HCN1: variants seen among roughly 807,000 people sequenced by gnomAD.
The protein encoded by HCN1 is potassium/sodium hyperpolarization-activated cyclic nucleotide-gated channel 1.
In HCN1, 13 loss-of-function variants were observed where a neutral mutation model predicts 78.9. That is an observed-to-expected ratio of 0.16 (90% CI 0.11 to 0.26). The LOEUF (loss-of-function observed/expected upper bound fraction) is 0.26. Ranked by LOEUF, HCN1 falls within the 10% of genes least tolerant of loss-of-function variation. The probability of loss-of-function intolerance (pLI) is 1.00; values close to 1 mark genes in which losing one functional copy is unlikely to be tolerated. For synonymous variants in HCN1, 552 were observed against 455.5 expected (o/e 1.21, Z -2.70); for missense variants, 810 against 1,154.3 (o/e 0.70, Z 4.32).
intron 4 of HCN1, among the ~76,000 whole-genome samples, chr5:45,377,905 A>C (rs1298871438): frequency 6.6e-6 from 1 of 152,010 alleles, no homozygotes; most frequent in East Asian, 1.9e-4. Flanking sequence ...TTTATATAGA[A>C]TAGAAGAGGT....
At chr5:45,437,985 A>G (rs1044428682) in intron 3 of HCN1, among the ~76,000 whole-genome samples, 4 of 152,170 alleles carry the variant, frequency 2.6e-5, no homozygotes, top group South Asian at 4.1e-4. Flanking sequence ...CAGCTCATAC[A>G]TAACAGCAGG....
intron 1 of HCN1, among the ~76,000 whole-genome samples, chr5:45,693,740 G>C (rs1739956018): frequency 6.6e-6 from 1 of 151,884 alleles, no homozygotes; most frequent in Non-Finnish European, 1.5e-5. Context: ...TAGCAAGTGG[G>C]AAAAAGTTTA....
intron 5 of HCN1, among the ~76,000 whole-genome samples, chr5:45,305,222 A>G (rs890598774): frequency 6.6e-6 from 1 of 152,182 alleles, no homozygotes; most frequent in East Asian, 1.9e-4. Context: ...AGACTGAGAA[A>G]GAAGGTTTCT....
chr5:45,400,474 C>T (rs563740429), intron 3 of HCN1, among the ~76,000 whole-genome samples: 2 of 146,230 alleles, frequency 1.4e-5, no homozygotes, highest in East Asian at 2.1e-4. Context: ...TCTCAACTCA[C>T]TGCAACCTCT....
chr5:45,622,572 A>G (rs1019765829), intron 2 of HCN1, among the ~76,000 whole-genome samples: 2 of 152,170 alleles, frequency 1.3e-5, no homozygotes, highest in African/African-American at 4.8e-5. Flanking sequence ...ATGACTCAGC[A>G]ATAAAAATAG....
intron 4 of HCN1, among the ~76,000 whole-genome samples, chr5:45,362,156 G>GTGTT (rs1037755475): frequency 1.1e-4 from 14 of 123,298 alleles, no homozygotes; most frequent in Non-Finnish European, 2.0e-4. Flanking sequence ...GTGTGTGTTT[G>GTGTT]TGTGTGTGTG....
chr5:45,614,227 T>G (rs1744899304), intron 2 of HCN1, among the ~76,000 whole-genome samples: 1 of 152,160 alleles, frequency 6.6e-6, no homozygotes, highest in South Asian at 2.1e-4. Context: ...AAGTCTATAT[T>G]TTCATTTGTA....
chr5:45,279,193 T>C (rs1745115909), intron 6 of HCN1, among the ~76,000 whole-genome samples: 1 of 152,156 alleles, frequency 6.6e-6, no homozygotes, highest in Admixed American at 6.6e-5. Flanking sequence ...GTCCAACAGG[T>C]TATCCAAACT....
intron 5 of HCN1, among the ~76,000 whole-genome samples, chr5:45,332,605 C>T (rs536720394): frequency 6.6e-6 from 1 of 151,318 alleles, no homozygotes. Context: ...TTTTTGTACC[C>T]AGTAAGCATC....
Position 45,696,024 on chromosome 5 carries a change from T to C in HCN1, c.70A>G (p.Lys24Glu), listed in dbSNP as rs1316303062. Reference protein sequence around the residue: ...RDDGNSVFPAKASATGAGPAA... With the variant: ...RDDGNSVFPAEASATGAGPAA... ...GGCCCCGCGCCCGTCGCGGACGCCT[T>C]GGCGGGGAAGACGCTGTTGCCATCG... Residue 24 changes from lysine (K) to glutamate (E), a missense_variant, in exon 1 of 8, where the codon AAG becomes GAG. Physicochemically the swap from Lys to Glu is moderately conservative, Grantham distance 56. This residue lies in a region of HCN1 where 170 missense variants were observed against 166.8 expected (regional missense o/e 1.02). Transcript: ENST00000303230. 2 of 1,317,708 alleles carry C rather than the reference T, an allele frequency of 1.5e-6. No individual in the cohort carries two copies. Among genetic ancestry groups the C allele is most frequent in the Admixed American group, 2.8e-5 (1 of 35,612 alleles). The allele number at this position is 1,317,708 out of a possible 1,614,324, so 81.6% of individuals were successfully genotyped here. A position where few individuals can be genotyped will look rare whatever the true frequency, so the allele number is the denominator to read the frequency against.
intron 2 of HCN1, among the ~76,000 whole-genome samples, chr5:45,632,674 C>T (rs1561226647): frequency 1.3e-5 from 2 of 152,006 alleles, no homozygotes; most frequent in Non-Finnish European, 2.9e-5. Context: ...AATAAAAACA[C>T]CATCAATAAA....
intron 3 of HCN1, among the ~76,000 whole-genome samples, chr5:45,425,098 G>A (rs754892919): frequency 2.6e-4 from 40 of 152,270 alleles, no homozygotes; most frequent in Non-Finnish European, 3.7e-4. Context: ...CTGACAGCAA[G>A]GGATAAGTGG....
At chr5:45,467,959 A>C (rs962361062) in intron 2 of HCN1, among the ~76,000 whole-genome samples, 1 of 152,040 alleles carries the variant, frequency 6.6e-6, no homozygotes, top group Non-Finnish European at 1.5e-5. Flanking sequence ...AGACACAGAG[A>C]GAGCTGGCCT....
rs185295756 is a variant in HCN1, at chr5:45,338,679, A to G, written c.1377+14421T>C. On this transcript the variant is annotated intron_variant, in intron 5 of 7. Transcript: ENST00000303230. ...TGATTCCTCCTCTCCCAAGTGAAAC[A>G]CAGCTTTTGAAAGGTGAATTGATAT... is the stretch of plus-strand genomic sequence containing the variant. Among the ~76,000 whole-genome samples, 297 of 152,242 alleles carry G rather than the reference A, an allele frequency of 2.0e-3. 9 individuals are homozygous for G. The South Asian group carries it at 0.052, about 27-fold the overall frequency.
intron 3 of HCN1, among the ~76,000 whole-genome samples, chr5:45,423,655 A>G (rs1481808713): frequency 6.6e-6 from 1 of 152,094 alleles, no homozygotes; most frequent in Non-Finnish European, 1.5e-5. Flanking sequence ...ACAAATTCTC[A>G]TTTGTAAAAA....
chr5:45,613,851 G>A (rs1415474859), intron 2 of HCN1, among the ~76,000 whole-genome samples: 3 of 152,086 alleles, frequency 2.0e-5, no homozygotes, highest in Admixed American at 6.6e-5. Context: ...AAATTAGTAT[G>A]TTTTATACTC....
Position 45,359,941 on chromosome 5 carries a change from G to GTA in HCN1, c.1231-6697_1231-6696dup, listed in dbSNP as rs145289641. The stretch of plus-strand genomic sequence containing the variant: ...CTATATTCTTGACTTTTGACTTTGA[G>GTA]TATATATATATATATATATTTTTTT... On this transcript the variant is annotated intron_variant, in intron 4 of 7. Coordinates refer to ENST00000303230, the MANE Select transcript of HCN1 (RefSeq NM_021072.4). Among the ~76,000 whole-genome samples, 708 of 146,996 alleles carry GTA rather than the reference G, an allele frequency of 4.8e-3. 2 individuals carry two copies. Among genetic ancestry groups the GTA allele is most frequent in the East Asian group, 0.011 (58 of 5,050 alleles).
chr5:45,497,078 T>A (rs1194156924), intron 2 of HCN1, among the ~76,000 whole-genome samples: 1 of 152,230 alleles, frequency 6.6e-6, no homozygotes, highest in Non-Finnish European at 1.5e-5. Context: ...TAGTTTGTTA[T>A]AATTTCTGTT....
chr5:45,452,533 A>G (rs1448700857), intron 3 of HCN1, among the ~76,000 whole-genome samples: 1 of 151,724 alleles, frequency 6.6e-6, no homozygotes, highest in African/African-American at 2.4e-5. Flanking sequence ...CCCAATAGGT[A>G]GTTTTCCTAT....
Sources: gnomAD v4.1 joint callset for allele counts (sites outside exome capture counted in the v4.1 genomes callset) on GRCh38, gnomAD v4.1.1 for gene constraint, gnomAD v4.1.1 regional missense constraint, MANE v1.5 for transcripts, NCBI Gene and HGNC (gene_info 2026-07-23, HGNC 2026-07-21) for gene names.